FAR2: variants seen among roughly 807,000 people sequenced by gnomAD.
FAR2 encodes epididymis secretory protein Li 81.
FAR2 carries 19 observed loss-of-function variants against 56.0 expected under a neutral mutation model. The observed-to-expected ratio is 0.34, with a 90% confidence interval of 0.24 to 0.50. The LOEUF is 0.50. FAR2 is among the 20% of genes least tolerant of loss of function. The pLI is 0.98. For missense variants in FAR2, 508 were observed against 642.2 expected (o/e 0.79, Z 2.26); for synonymous variants, 219 against 218.8 (o/e 1.00, Z -0.01).
rs1206213761 is a variant in FAR2, at chr12:29,272,674, A to C, written c.189+2036A>C. On this transcript the variant is annotated intron_variant, in intron 2 of 11. Transcript: ENST00000536681. ...TCCTCCGTCCAGTTCTGCATCCTTG[A>C]TGGAGAGATGTTGTGATCATTTGGA... Among the ~76,000 whole-genome samples the C allele has an allele frequency of 2.6e-5, 4 of 152,094 alleles. No individual in the cohort carries two copies. The East Asian group carries it at 7.7e-4, about 29-fold the overall frequency.
At chr12:29,252,577 T>C (rs1213605733) in intron 1 of FAR2, among the ~76,000 whole-genome samples, 1 of 152,198 alleles carries the variant, frequency 6.6e-6, no homozygotes, top group Admixed American at 6.5e-5. Flanking sequence ...GACTTTTTAT[T>C]GTAGTATTTG....
At position 29,223,341 on chromosome 12, in the gene FAR2, A is replaced by C. The variant is rs960928988; in HGVS notation, c.-38-47071A>C. On this transcript the variant is annotated intron_variant, in intron 1 of 11. Coordinates refer to ENST00000536681, the MANE Select transcript of FAR2 (RefSeq NM_001271783.2). ...CTCTGAGCAAACACATAAAACTGGG[A>C]GGTAGGTAGGAGAATTGGGATGACA... is the stretch of plus-strand genomic sequence containing the variant. Among the ~76,000 whole-genome samples, 7 of 152,310 alleles carry C rather than the reference A, an allele frequency of 4.6e-5. 1 individual carries two copies.
rs1947998313 is a variant in FAR2 at position 29,239,826 on chromosome 12, A to G, written c.-38-30586A>G. Among the ~76,000 whole-genome samples the G allele has an allele frequency of 3.9e-5, 6 of 152,204 alleles. 1 individual carries two copies. The South Asian group carries it at 1.2e-3, about 31-fold the overall frequency. On this transcript the variant is annotated intron_variant, in intron 1 of 11. Transcript: ENST00000536681. ...TATATATCCTCTGGCTTTATTAATG[A>G]CAGAAATCTTATTGTTGTATTTTAT... is the stretch of plus-strand genomic sequence containing the variant.
At chr12:29,236,632 G>A (rs1442676026) in intron 1 of FAR2, among the ~76,000 whole-genome samples, 1 of 152,086 alleles carries the variant, frequency 6.6e-6, no homozygotes, top group African/African-American at 2.4e-5. Context: ...TCACTATCAC[G>A]AGAACAGCAC....
intron 1 of FAR2, among the ~76,000 whole-genome samples, chr12:29,253,207 G>A (rs71438655): frequency 0.46 from 37,473 of 81,430 alleles, 10,972 homozygotes; most frequent in African/African-American, 0.62. Flanking sequence ...ATCTAGATAG[G>A]TATCTATATA....
chr12:29,263,217 C>G (rs533967981), intron 1 of FAR2, among the ~76,000 whole-genome samples: 2 of 152,078 alleles, frequency 1.3e-5, no homozygotes, highest in Non-Finnish European at 2.9e-5. Context: ...CTTCAACACC[C>G]CACCTTCAGC....
intron 1 of FAR2, among the ~76,000 whole-genome samples, chr12:29,220,884 T>C (rs1341516343): frequency 1.3e-5 from 2 of 152,126 alleles, no homozygotes; most frequent in Non-Finnish European, 2.9e-5. Flanking sequence ...ATCAAGTGCA[T>C]GGTTTGACCT....
rs1042212229 is a variant in FAR2 at position 29,307,931 on chromosome 12, A to G, written c.723+96A>G. On this transcript the variant is annotated intron_variant, in intron 5 of 11. Coordinates refer to ENST00000536681, the MANE Select transcript of FAR2 (RefSeq NM_001271783.2). The stretch of plus-strand genomic sequence containing the variant: ...TGTCTTTCTTCTTCTCCTCCTCAGG[A>G]TTTATAGCTAAGTGCAGCCAATCGA... 23 of 1,305,614 alleles carry G rather than the reference A, an allele frequency of 1.8e-5. No homozygotes were observed. In the Admixed American group the frequency reaches 5.9e-4, roughly 33 times the overall value. The allele number at this position is 1,305,614 out of a possible 1,614,324, so 80.9% of individuals were successfully genotyped here.
At chr12:29,216,308 A>G (rs1372108637) in intron 1 of FAR2, among the ~76,000 whole-genome samples, 2 of 152,184 alleles carry the variant, frequency 1.3e-5, no homozygotes, top group African/African-American at 2.4e-5. Context: ...TTTCACTGGT[A>G]TCTTCAATGA....
chr12:29,291,380 T>C (rs1252066218), intron 2 of FAR2: 1 of 455,902 alleles, frequency 2.2e-6, no homozygotes, highest in African/African-American at 2.0e-5. Flanking sequence ...AAAGAAATAA[T>C]TTTTAACCAG....
intron 2 of FAR2, among the ~76,000 whole-genome samples, chr12:29,275,258 C>T (rs1948691959): frequency 6.6e-6 from 1 of 151,624 alleles, no homozygotes. Context: ...GAGTGGGGGT[C>T]ACAAGGTACT....
intron 1 of FAR2, among the ~76,000 whole-genome samples, chr12:29,154,276 T>C (rs1238019073): frequency 1.3e-5 from 2 of 151,834 alleles, no homozygotes; most frequent in Admixed American, 1.3e-4. Context: ...TCTATAGCAG[T>C]TTTTCCTAAA....
intron 1 of FAR2, among the ~76,000 whole-genome samples, chr12:29,236,690 G>A (rs751120001): frequency 2.2e-4 from 33 of 151,984 alleles, no homozygotes; most frequent in Non-Finnish European, 4.4e-4. Context: ...TTGGTGTGGG[G>A]ATTATAGGTC....
intron 4 of FAR2, among the ~76,000 whole-genome samples, chr12:29,304,685 A>C (rs1341512029): frequency 6.6e-6 from 1 of 152,230 alleles, no homozygotes; most frequent in African/African-American, 2.4e-5. Context: ...GTTTGAAACC[A>C]AAATTGATAA....
chr12:29,203,998 T>A (rs544613001), intron 1 of FAR2, among the ~76,000 whole-genome samples: 407 of 6,688 alleles, frequency 0.061, 6 homozygotes, highest in African/African-American at 0.083. Flanking sequence ...AGATTCCATC[T>A]CAAAAAAAAA....
chr12:29,292,847 T>C (rs1400538700), intron 2 of FAR2, among the ~76,000 whole-genome samples: 1 of 152,206 alleles, frequency 6.6e-6, no homozygotes, highest in Non-Finnish European at 1.5e-5. Context: ...CAGTCCTCAA[T>C]GCTTTTGACA....
intron 1 of FAR2, among the ~76,000 whole-genome samples, chr12:29,184,618 G>A (rs1950022527): frequency 6.6e-6 from 1 of 151,528 alleles, no homozygotes; most frequent in Non-Finnish European, 1.5e-5. Context: ...TCTATTTTTA[G>A]TAGAGACAGG....
At chr12:29,333,378 T>C (rs1949758507) in intron 11 of FAR2, 3 of 412,944 alleles carry the variant, frequency 7.3e-6, no homozygotes, top group African/African-American at 2.0e-5. Context: ...AAGATTATGC[T>C]AGTCATGCTT....
intron 1 of FAR2, among the ~76,000 whole-genome samples, chr12:29,192,917 T>C (rs958266821): frequency 6.6e-6 from 1 of 152,212 alleles, no homozygotes; most frequent in African/African-American, 2.4e-5. Flanking sequence ...TTTTTGTATT[T>C]ATATACAAAT....
Sources: allele counts gnomAD v4.1 joint callset (sites outside exome capture counted in the v4.1 genomes callset), GRCh38; gene constraint gnomAD v4.1.1; transcripts MANE v1.5; gene names NCBI Gene and HGNC (gene_info 2026-07-23, HGNC 2026-07-21).